The following DOCK8 variants were observed in gnomAD, a reference collection of about 807,000 sequenced individuals.
DOCK8 encodes the protein dedicator of cytokinesis 8, also known as dedicator of cytokinesis protein 8.
Under a neutral mutation model 245.6 loss-of-function variants are expected in DOCK8, and 141 were observed. The ratio of observed to expected loss-of-function variants is 0.57; its 90% CI spans 0.50 to 0.66. The LOEUF (loss-of-function observed/expected upper bound fraction) is 0.66. Among genes scored for constraint, DOCK8 ranks in the 30% least tolerant of loss-of-function variants. The pLI is 0.00. For missense variants in DOCK8, 2,965 were observed against 2,603.4 expected (o/e 1.14, Z -3.02); for synonymous variants, 1,168 against 970.2 (o/e 1.20, Z -3.79).
rs60099453 is a variant in DOCK8 at position 281,641 on chromosome 9, C to CTGTGTGTGTG, written c.157-4804_157-4795dup. On this transcript the variant is annotated intron_variant, in intron 2 of 47. Coordinates refer to ENST00000432829, the MANE Select transcript of DOCK8 (RefSeq NM_203447.4). ...GATGTATGTATATATGTTTGTGTGC[C>CTGTGTGTGTG]TGTGTGTGTGTGTGTGTGTGTGTGT... 6.4e-3 allele frequency among the ~76,000 whole-genome samples: 971 copies of CTGTGTGTGTG among 150,788 alleles called. 12 individuals carry two copies. The highest frequency in any genetic ancestry group is 0.022 in the African/African-American group (922 of 41,116).
In DOCK8 at chr9:449,944, G is replaced by A; in HGVS notation, c.5961+17G>A. 1 of 1,613,454 alleles carries A rather than the reference G, an allele frequency of 6.2e-7. No homozygotes were observed. The highest frequency in any genetic ancestry group is 8.5e-7 in the Non-Finnish European group (1 of 1,179,886). On this transcript the variant is annotated intron_variant, in intron 45 of 47. Coordinates refer to ENST00000432829, the MANE Select transcript of DOCK8 (RefSeq NM_203447.4). ...GTAAATCAGGTAAGCAAAACCAGAG[G>A]TGGCAGCTCCTCTGGTTCTTATTAT...
chr9:424,969 C>G (rs1737361769), intron 33 of DOCK8, among the ~76,000 whole-genome samples: 1 of 152,054 alleles, frequency 6.6e-6, no homozygotes. Context: ...GATAATAAAT[C>G]AAGATAAGTG....
At chr9:219,170 C>G (rs569167181) in intron 1 of DOCK8, among the ~76,000 whole-genome samples, 89 of 152,302 alleles carry the variant, frequency 5.8e-4, no homozygotes, top group African/African-American at 2.0e-3. Flanking sequence ...TTCGTCCTTT[C>G]AGAAAAGGAA....
intron 24 of DOCK8, among the ~76,000 whole-genome samples, chr9:394,903 A>G (rs956697602): frequency 1.3e-5 from 2 of 152,190 alleles, no homozygotes; most frequent in African/African-American, 4.8e-5. Context: ...GGTTGGAAGT[A>G]TGGTATTGTG....
At chr9:348,733 T>C (rs752687495) in intron 14 of DOCK8, among the ~76,000 whole-genome samples, 6 of 152,242 alleles carry the variant, frequency 3.9e-5, no homozygotes, top group Non-Finnish European at 7.3e-5. Context: ...CAAATTATTA[T>C]TTAAAATCAG....
In DOCK8 at chr9:439,093, G is replaced by T; in HGVS notation, c.5080-152G>T. ...GCCTCTTCTAAATGAATGGCAGACA[G>T]ATACTCTCGGGGTAGAATTACAGAC... is the stretch of plus-strand genomic sequence containing the variant. On this transcript the variant is annotated intron_variant, in intron 39 of 47. Transcript: ENST00000432829. 4 of 972,732 alleles carry T rather than the reference G, an allele frequency of 4.1e-6. No homozygotes were observed. In the Admixed American group the frequency reaches 7.5e-5, roughly 18 times the overall value. 60.3% of individuals were successfully genotyped at this position (972,732 alleles called of 1,614,324 possible). A position where few individuals can be genotyped will look rare whatever the true frequency, so the allele number is the denominator to read the frequency against.
chr9:245,157 G>A (rs144215500), intron 1 of DOCK8, among the ~76,000 whole-genome samples: 41 of 152,160 alleles, frequency 2.7e-4, no homozygotes, highest in African/African-American at 8.7e-4. Context: ...GTTTTCAGCC[G>A]ACAGCTAGGT....
rs995551258 is a variant in DOCK8, at chr9:420,510, C to T, written c.3950C>T (p.Ala1317Val). 6.2e-7 allele frequency: 1 copy of T among 1,614,174 alleles called. No individual in the cohort carries two copies. Among genetic ancestry groups the T allele is most frequent in the Non-Finnish European group, 8.5e-7 (1 of 1,180,038 alleles). Residue 1317 changes from alanine (A) to valine (V), a missense_variant, in exon 31 of 48, where the codon GCT (alanine) becomes GTT (valine). By Grantham distance (64) the Ala-to-Val change is moderately conservative. Coordinates refer to ENST00000432829, the MANE Select transcript of DOCK8 (RefSeq NM_203447.4). ...CAGAGCCTCATTAGGAAGTGGATTGCTGACCTGCCATCAACGCAGCTCAAC... is the reference window on the plus strand; with the variant it reads ...CAGAGCCTCATTAGGAAGTGGATTGTTGACCTGCCATCAACGCAGCTCAAC... ...ADQSLIRKWIADLPSTQLNRI... is the reference protein window; with the variant it reads ...ADQSLIRKWIVDLPSTQLNRI...
intron 36 of DOCK8, among the ~76,000 whole-genome samples, chr9:430,799 A>G (rs779150517): frequency 1.1e-4 from 16 of 152,338 alleles, no homozygotes; most frequent in Non-Finnish European, 1.6e-4. Flanking sequence ...CTGACTAGCT[A>G]GTGCCAGAAT....
At chr9:359,803 C>G (rs1015658981) in intron 14 of DOCK8, among the ~76,000 whole-genome samples, 1 of 108,518 alleles carries the variant, frequency 9.2e-6, no homozygotes, top group African/African-American at 3.0e-5. Context: ...TCTGTCTTTG[C>G]AAAAAAAAAA....
At chr9:362,181 A>G (rs144976667) in intron 14 of DOCK8, among the ~76,000 whole-genome samples, 5 of 152,274 alleles carry the variant, frequency 3.3e-5, no homozygotes, top group East Asian at 1.9e-4. Flanking sequence ...CAGTGACACA[A>G]TGTTTTTTAC....
rs2130923280 is a variant in DOCK8 at position 340,301 on chromosome 9, T to C, written c.1659T>C (p.Tyr553=). The C allele has an allele frequency of 6.2e-7, 1 of 1,614,144 alleles. No individual in the cohort carries two copies. Among genetic ancestry groups the C allele is most frequent in the Non-Finnish European group, 8.5e-7 (1 of 1,180,004 alleles). ...EILEFPTREV[Y]VPHTVYRNLL... is the part of the protein sequence containing the mutation. ...TGGAATTTCCAACACGAGAAGTATA[T>C]GTCCCTCACACTGTGTACAGGTAAG... is the stretch of plus-strand genomic sequence containing the variant. Residue 553 remains tyrosine (Y), a synonymous_variant, in exon 14 of 48, where the codon TAT becomes TAC. Coordinates refer to ENST00000432829, the MANE Select transcript of DOCK8 (RefSeq NM_203447.4).
At chr9:345,038 C>CA (rs1252647596) in intron 14 of DOCK8, among the ~76,000 whole-genome samples, 6 of 151,624 alleles carry the variant, frequency 4.0e-5, no homozygotes, top group African/African-American at 1.5e-4. Context: ...GGCAACAGAG[C>CA]AAAAAAACTC....
intron 2 of DOCK8, among the ~76,000 whole-genome samples, chr9:282,222 G>C (rs1176126395): frequency 6.6e-6 from 1 of 152,202 alleles, no homozygotes; most frequent in African/African-American, 2.4e-5. Context: ...ATCCCCAGTG[G>C]CCAACTCAGG....
intron 5 of DOCK8, among the ~76,000 whole-genome samples, chr9:307,277 A>G (rs935262384): frequency 5.4e-5 from 8 of 149,418 alleles, no homozygotes; most frequent in Non-Finnish European, 8.9e-5. Context: ...CACAAAGCAC[A>G]CGCTTTCCTG....
chr9:361,987 G>A (rs2052753143), intron 14 of DOCK8, among the ~76,000 whole-genome samples: 1 of 152,156 alleles, frequency 6.6e-6, no homozygotes, highest in Non-Finnish European at 1.5e-5. Flanking sequence ...CTTTCAAAGA[G>A]ATACCCAGGA....
intron 29 of DOCK8, 96 bp downstream of exon 29, chr9:415,047 T>C (rs1023142972): frequency 5.9e-6 from 9 of 1,515,322 alleles, no homozygotes; most frequent in African/African-American, 2.7e-5. Context: ...AGTGCTGATA[T>C]GTTCATATGA....
At chr9:215,715 C>G (rs2046734797) in intron 1 of DOCK8, 2 of 300,508 alleles carry the variant, frequency 6.7e-6, no homozygotes, top group Non-Finnish European at 1.3e-5. Flanking sequence ...GGGATCCCAA[C>G]TCACCATCCA....
chr9:429,988 G>A, intron 36 of DOCK8, 134 bp downstream of exon 36: 3 of 1,079,490 alleles, frequency 2.8e-6, no homozygotes, highest in Non-Finnish European at 4.1e-6. Flanking sequence ...AAACAATTGA[G>A]TATGTAGATA....
Sources: allele counts gnomAD v4.1 joint callset (sites outside exome capture counted in the v4.1 genomes callset), GRCh38; gene constraint gnomAD v4.1.1; transcripts MANE v1.5; gene names NCBI Gene and HGNC (gene_info 2026-07-23, HGNC 2026-07-21).